ANAPC1: variants seen among roughly 807,000 people sequenced by gnomAD.
The protein encoded by ANAPC1 is anaphase promoting complex subunit 1.
Under a neutral mutation model 208.0 loss-of-function variants are expected in ANAPC1, and 36 were observed. The ratio of observed to expected loss-of-function variants is 0.17; its 90% CI spans 0.13 to 0.23. The LOEUF (loss-of-function observed/expected upper bound fraction) is 0.23. ANAPC1 is among the 10% of genes least tolerant of loss of function. ANAPC1 has a pLI of 1.00. For missense variants in ANAPC1, 942 were observed against 2,011.6 expected (o/e 0.47, Z 10.17); for synonymous variants, 378 against 695.2 (o/e 0.54, Z 7.18).
intron 28 of ANAPC1, among the ~76,000 whole-genome samples, chr2:111,815,146 G>GA (rs1223576868): frequency 0.16 from 10,807 of 68,364 alleles, 715 homozygotes; most frequent in East Asian, 0.26. Context: ...CTTACTCAAG[G>GA]AAAAAAAAAA....
chr2:111,800,214 CT>C (rs1350383275), intron 34 of ANAPC1, among the ~76,000 whole-genome samples: 1 of 145,092 alleles, frequency 6.9e-6, no homozygotes, highest in African/African-American at 2.6e-5. Context: ...ATATTAACTT[CT>C]TTCAATCTTT....
chr2:111,783,884 T>A lies in ANAPC1; in HGVS notation c.5063+13A>T. On this transcript the variant is annotated intron_variant, in intron 42 of 47. Coordinates refer to ENST00000341068, the MANE Select transcript of ANAPC1 (RefSeq NM_022662.4). ...TTCCTAAAAGGTAAATTTGAGAAAT[T>A]TAATGTACTTACTTCAAGTGTTGTG... 1 of 668,688 alleles carries A rather than the reference T, an allele frequency of 1.5e-6. No individual in the cohort carries two copies. 41.4% of individuals were successfully genotyped at this position (668,688 alleles called of 1,614,324 possible). A position where few individuals can be genotyped will look rare whatever the true frequency, so the allele number is the denominator to read the frequency against.
intron 21 of ANAPC1, among the ~76,000 whole-genome samples, chr2:111,829,733 T>A (rs919236515): frequency 1.3e-5 from 2 of 151,834 alleles, no homozygotes. Flanking sequence ...TTGAAAAAAA[T>A]TTCAACAGGA....
chr2:111,859,345 C>T (rs1681925604), intron 10 of ANAPC1, among the ~76,000 whole-genome samples: 2 of 152,004 alleles, frequency 1.3e-5, no homozygotes, highest in Admixed American at 1.3e-4. Context: ...AGCCAGTAAT[C>T]CTGTAATCCC....
At chr2:111,808,856 T>TGAA (rs1678831657) in intron 29 of ANAPC1, 91 bp downstream of exon 29, 3 of 1,484,850 alleles carry the variant, frequency 2.0e-6, no homozygotes, top group Non-Finnish European at 2.8e-6. Flanking sequence ...TGTCTTTCCT[T>TGAA]AATTTTTATA....
intron 27 of ANAPC1, among the ~76,000 whole-genome samples, chr2:111,817,382 T>C (rs1573384599): frequency 6.6e-6 from 1 of 152,322 alleles, no homozygotes; most frequent in East Asian, 1.9e-4. Flanking sequence ...CTGCACTTAT[T>C]ATATGAAATC....
rs1676538661 is a variant in ANAPC1, at chr2:111,768,270, T to C, written c.*1021A>G. ...CCAGAAATCCCTCCTTTTATAGACA[T>C]ACATTCTGTAAATCTTAGGTAAATA... On this transcript the variant is annotated 3_prime_UTR_variant, in exon 48 of 48. Coordinates refer to ENST00000341068, the MANE Select transcript of ANAPC1 (RefSeq NM_022662.4). The C allele has an allele frequency of 6.6e-6, 1 of 152,248 alleles. No homozygotes were observed. Among genetic ancestry groups the C allele is most frequent in the African/African-American group, 2.4e-5 (1 of 41,460 alleles). The allele number at this position is 152,248 out of a possible 1,614,324, so 9.4% of individuals were successfully genotyped here.
intron 1 of ANAPC1, among the ~76,000 whole-genome samples, chr2:111,881,915 T>G (rs1281536298): frequency 1.3e-5 from 2 of 152,186 alleles, no homozygotes; most frequent in Admixed American, 6.5e-5. Context: ...CCGGGTGCGG[T>G]GGCTCACGCC....
chr2:111,869,777 T>C (rs1255981218), intron 6 of ANAPC1, among the ~76,000 whole-genome samples: 1 of 152,204 alleles, frequency 6.6e-6, no homozygotes, highest in African/African-American at 2.4e-5. Context: ...CAGAATTATG[T>C]AGTGGTGAAT....
At chr2:111,788,148 T>C in intron 39 of ANAPC1, 86 bp downstream of exon 39, 2 of 1,533,394 alleles carry the variant, frequency 1.3e-6, no homozygotes, top group South Asian at 2.3e-5. Context: ...AATTTGGAAA[T>C]AATTCCATGA....
chr2:111,787,137 A>G (rs946615010), intron 39 of ANAPC1, among the ~76,000 whole-genome samples: 3 of 145,794 alleles, frequency 2.1e-5, no homozygotes, highest in Admixed American at 6.9e-5. Flanking sequence ...CGACAGAGCG[A>G]GACTCTATCT....
intron 17 of ANAPC1, among the ~76,000 whole-genome samples, chr2:111,839,382 G>A (rs1235118810): frequency 6.6e-6 from 1 of 152,162 alleles, no homozygotes; most frequent in Non-Finnish European, 1.5e-5. Context: ...TTTTCTACAA[G>A]TTGCTCTTCT....
chr2:111,864,463 C>CACTT (rs1682287822), intron 8 of ANAPC1, among the ~76,000 whole-genome samples: 2 of 95,186 alleles, frequency 2.1e-5, no homozygotes, highest in Non-Finnish European at 3.8e-5. Context: ...TATATATATA[C>CACTT]TTTTTTTTTT....
intron 19 of ANAPC1, among the ~76,000 whole-genome samples, chr2:111,833,520 T>A (rs2104465747): frequency 6.6e-6 from 1 of 152,160 alleles, no homozygotes; most frequent in Admixed American, 6.5e-5. Flanking sequence ...TTTGTGGAAG[T>A]AAAACTACAG....
intron 2 of ANAPC1, among the ~76,000 whole-genome samples, chr2:111,879,198 A>T (rs1023255273): frequency 2.0e-5 from 3 of 152,210 alleles, no homozygotes; most frequent in Admixed American, 1.3e-4. Flanking sequence ...TTATTCCTCT[A>T]TATTACTCTG....
intron 17 of ANAPC1, among the ~76,000 whole-genome samples, chr2:111,841,427 C>G (rs1184672131): frequency 6.1e-5 from 5 of 82,332 alleles, no homozygotes; most frequent in Non-Finnish European, 1.2e-4. Context: ...TCTATAGAGA[C>G]AGGACAGGCA....
Position 111,812,942 on chromosome 2 carries a change from C to A in ANAPC1, c.3597+2428G>T, listed in dbSNP as rs1288695681. On this transcript the variant is annotated intron_variant, in intron 28 of 47. Coordinates refer to ENST00000341068, the MANE Select transcript of ANAPC1 (RefSeq NM_022662.4). Reference sequence around the variant, plus strand: ...AGTCTGCCCCCGAAATCAGAAGCAGCCCCCACGGCCCTGTCCAATCTGTAA... The same window carrying A: ...AGTCTGCCCCCGAAATCAGAAGCAGACCCCACGGCCCTGTCCAATCTGTAA... Among the ~76,000 whole-genome samples, 3 of 112,254 alleles carry A rather than the reference C, an allele frequency of 2.7e-5. No individual in the cohort carries two copies. The Admixed American group carries it at 2.9e-4, about 11-fold the overall frequency. 73.6% of individuals were successfully genotyped at this position (112,254 alleles called of 152,430 possible). A position where few individuals can be genotyped will look rare whatever the true frequency, so the allele number is the denominator to read the frequency against.
intron 24 of ANAPC1, among the ~76,000 whole-genome samples, chr2:111,823,309 G>T (rs184042084): frequency 6.6e-6 from 1 of 151,792 alleles, no homozygotes; most frequent in Non-Finnish European, 1.5e-5. Context: ...GAGCCACCGC[G>T]CCTGGCCCAA....
chr2:111,853,325 A>G (rs1254501503), intron 13 of ANAPC1, among the ~76,000 whole-genome samples: 6 of 152,302 alleles, frequency 3.9e-5, no homozygotes, highest in African/African-American at 1.2e-4. Flanking sequence ...AGACCATTGT[A>G]TTTAATTAGT....
Sources: allele counts gnomAD v4.1 joint callset (sites outside exome capture counted in the v4.1 genomes callset), GRCh38; gene constraint gnomAD v4.1.1; transcripts MANE v1.5; gene names NCBI Gene and HGNC (gene_info 2026-07-23, HGNC 2026-07-21).